The following DDX43 variants were observed in gnomAD, a reference collection of about 807,000 sequenced individuals.
DDX43 encodes the protein DEAD-box helicase 43.
DDX43 carries 50 observed loss-of-function variants against 84.9 expected under a neutral mutation model. That is an observed-to-expected ratio of 0.59 (90% CI 0.47 to 0.75). The LOEUF (loss-of-function observed/expected upper bound fraction) is 0.75, where lower values mean the gene tolerates loss of function less well. DDX43 is among the 30% of genes least tolerant of loss of function. The probability of loss-of-function intolerance (pLI) is 0.00; values close to 1 mark genes in which losing one functional copy is unlikely to be tolerated. For synonymous variants in DDX43, 291 were observed against 266.3 expected (o/e 1.09, Z -0.90); for missense variants, 689 against 798.6 (o/e 0.86, Z 1.65).
At chr6:73,400,066 C>T (rs1357158587) in intron 2 of DDX43, among the ~76,000 whole-genome samples, 168 bp from the exon 3 acceptor site, 1 of 152,112 alleles carries the variant, frequency 6.6e-6, no homozygotes, top group East Asian at 1.9e-4. Flanking sequence ...AAGTAGTATT[C>T]CTCTCTAACT....
chr6:73,403,704 A>G (rs922760699), intron 4 of DDX43, among the ~76,000 whole-genome samples: 2 of 152,022 alleles, frequency 1.3e-5, no homozygotes, highest in Admixed American at 1.3e-4. Flanking sequence ...GGCTAGAGTG[A>G]AGTAGCAAAA....
intron 3 of DDX43, 126 bp downstream of exon 3, chr6:73,400,489 T>G (rs3757106): frequency 0.16 from 134,284 of 819,964 alleles, 11,907 homozygotes; most frequent in Non-Finnish European, 0.19. Flanking sequence ...GTCTTAATGA[T>G]TTTTTACTAT....
At chr6:73,414,754 T>C (rs1769869658) in intron 14 of DDX43, 68 bp downstream of exon 14, 2 of 1,449,624 alleles carry the variant, frequency 1.4e-6, no homozygotes, top group East Asian at 4.9e-5. Context: ...ACAAACTTCT[T>C]GCCCAGAAAA....
chr6:73,400,052 AT>A (rs1259225202), intron 2 of DDX43, among the ~76,000 whole-genome samples, 181 bp from the exon 3 acceptor site: 1 of 152,166 alleles, frequency 6.6e-6, no homozygotes, highest in Admixed American at 6.5e-5. Flanking sequence ...CCCAGAGTAA[AT>A]ATAAGTAGTA....
chr6:73,407,679 A>G (rs1013296660), intron 8 of DDX43, 64 bp downstream of exon 8: 2 of 1,145,892 alleles, frequency 1.7e-6, no homozygotes, highest in Non-Finnish European at 2.6e-6. Flanking sequence ...AGCTTTACAC[A>G]TCTTCCCCAT....
chr6:73,399,404 C>T (rs1769528045), intron 2 of DDX43, among the ~76,000 whole-genome samples: 1 of 152,152 alleles, frequency 6.6e-6, no homozygotes, highest in Admixed American at 6.5e-5. Flanking sequence ...TCCTTGAGTA[C>T]TCCACCCACT....
In DDX43 at chr6:73,395,176, C is replaced by T. The variant is rs757362059; in HGVS notation, c.250+21C>T. On this transcript the variant is annotated intron_variant, in intron 1 of 16. Transcript: ENST00000370336. ...AATCGGTGAGAATGGGAGTGGCTGG[C>T]AGGGCAGGATAGGTGGGGCCAGGGG... 4 of 1,590,412 alleles carry T rather than the reference C, an allele frequency of 2.5e-6. No homozygotes were observed. The Admixed American group carries it at 7.3e-5, about 29-fold the overall frequency.
intron 2 of DDX43, 32 bp downstream of exon 2, chr6:73,397,776 G>A: frequency 6.3e-7 from 1 of 1,586,818 alleles, no homozygotes; most frequent in Non-Finnish European, 8.7e-7. Context: ...GCCCTTAAGA[G>A]AGCATCATGC....
At chr6:73,414,403 T>C in intron 13 of DDX43, 145 bp from the exon 14 acceptor site, 1 of 764,886 alleles carries the variant, frequency 1.3e-6, no homozygotes, top group East Asian at 2.7e-5. Context: ...TGCCGGCAGT[T>C]ACTTTTCCAT....
chr6:73,414,589 G>A lies in DDX43; in HGVS notation c.1648G>A (p.Gly550Arg). The change falls in exon 14 of 17, where the codon GGA becomes AGA. Residue 550 changes from glycine (G) to arginine (R), a missense_variant. Transcript: ENST00000370336. Reference protein sequence around the residue: ...ILIATDLASRGLDVHDVTHVY... With the variant: ...ILIATDLASRRLDVHDVTHVY... Reference sequence around the variant, plus strand: ...AATTGCAACTGATCTAGCCTCTAGAGGACTTGATGTCCATGACGTTACACA... The same window carrying A: ...AATTGCAACTGATCTAGCCTCTAGAAGACTTGATGTCCATGACGTTACACA... The A allele has an allele frequency of 1.2e-6, 2 of 1,613,390 alleles. No homozygotes were observed. The highest frequency in any genetic ancestry group is 1.3e-5 in the African/African-American group (1 of 75,012).
At chr6:73,397,960 G>C in intron 2 of DDX43, 1 of 390,862 alleles carries the variant, frequency 2.6e-6, no homozygotes, top group Non-Finnish European at 4.5e-6. Context: ...ACCAAGCCCA[G>C]CTAATTTATT....
chr6:73,412,668 T>TGTGCAC lies in DDX43; in HGVS notation c.1368+377_1368+378insTGCACG, dbSNP rs538597626. On this transcript the variant is annotated intron_variant, in intron 11 of 16. Coordinates refer to ENST00000370336, the MANE Select transcript of DDX43 (RefSeq NM_018665.3). ...GTGTGTGTGTGTGTGTGTGTGTGTG[T>TGTGCAC]GCGCGCGCGCGTGTGTGTGTGTGCG... Among the ~76,000 whole-genome samples, 122 of 108,438 alleles carry TGTGCAC rather than the reference T, an allele frequency of 1.1e-3. 2 individuals are homozygous for TGTGCAC. The highest frequency in any genetic ancestry group is 2.4e-3 in the Admixed American group (26 of 11,034). The allele number at this position is 108,438 out of a possible 152,430, so 71.1% of individuals were successfully genotyped here. A position where few individuals can be genotyped will look rare whatever the true frequency, so the allele number is the denominator to read the frequency against.
chr6:73,417,045 AT>A (rs1477791280), intron 16 of DDX43, 141 bp from the exon 17 acceptor site: 6 of 152,158 alleles, frequency 3.9e-5, no homozygotes, highest in Non-Finnish European at 8.8e-5. Flanking sequence ...AGTTTTGGAG[AT>A]TAACTGCACA....
Position 73,395,040 on chromosome 6 carries a change from C to T in DDX43, c.135C>T (p.Val45=). The change falls in exon 1 of 17, where the codon GTC becomes GTT. Residue 45 remains valine (V), a synonymous_variant. Transcript: ENST00000370336. ...GAACAGGTCCTGAGGGATATAGTGT[C>T]GGCAGAGGTGGTCGCTGGAGAGGCA... ...LNRTGPEGYS[V]GRGGRWRGTS... 1 of 1,612,300 alleles carries T rather than the reference C, an allele frequency of 6.2e-7. No homozygotes were observed. The highest frequency in any genetic ancestry group is 1.1e-5 in the South Asian group (1 of 90,978).
intron 3 of DDX43, 56 bp downstream of exon 3, chr6:73,400,419 T>G (rs1769544798): frequency 6.8e-7 from 1 of 1,461,244 alleles, no homozygotes; most frequent in African/African-American, 1.4e-5. Flanking sequence ...CATTCAGTGT[T>G]ATAAGCCATT....
At chr6:73,415,103 G>A (rs545107065) in intron 14 of DDX43, among the ~76,000 whole-genome samples, 11 of 152,074 alleles carry the variant, frequency 7.2e-5, no homozygotes, top group South Asian at 2.1e-4. Context: ...TGAGACCATC[G>A]TGGCTAACAC....
At chr6:73,404,044 C>T (rs1769627702) in intron 4 of DDX43, among the ~76,000 whole-genome samples, 2 of 152,100 alleles carry the variant, frequency 1.3e-5, no homozygotes, top group Non-Finnish European at 2.9e-5. Flanking sequence ...GTCTCGAACT[C>T]CTGACCTCAG....
chr6:73,402,224 G>A (rs1769589168), intron 4 of DDX43, among the ~76,000 whole-genome samples: 1 of 152,068 alleles, frequency 6.6e-6, no homozygotes, highest in Non-Finnish European at 1.5e-5. Flanking sequence ...TCACTGCAAA[G>A]GGCTAATAAA....
chr6:73,415,482 T>C lies in DDX43; in HGVS notation c.1746-15T>C, dbSNP rs1562287032. ...TGAATAATGAATACATGAGTTTTTT[T>C]CCCCCACACTAAAGGAGGACTGGTG... On this transcript the variant is annotated splice_polypyrimidine_tract_variant and intron_variant, in intron 14 of 16. Coordinates refer to ENST00000370336, the MANE Select transcript of DDX43 (RefSeq NM_018665.3). 5.6e-6 allele frequency: 9 copies of C among 1,593,538 alleles called. No homozygotes were observed. Among genetic ancestry groups the C allele is most frequent in the Middle Eastern group, 1.7e-4 (1 of 6,036 alleles).
Sources: gnomAD v4.1 joint callset for allele counts (sites outside exome capture counted in the v4.1 genomes callset) on GRCh38, gnomAD v4.1.1 for gene constraint, MANE v1.5 for transcripts, NCBI Gene and HGNC (gene_info 2026-07-23, HGNC 2026-07-21) for gene names.